The following PLPPR1 variants were observed in gnomAD, a reference collection of about 807,000 sequenced individuals.
The protein encoded by PLPPR1 is phospholipid phosphatase related 1.
PLPPR1 carries 10 observed loss-of-function variants against 33.1 expected under a neutral mutation model. The ratio of observed to expected loss-of-function variants is 0.30; its 90% CI spans 0.19 to 0.51. PLPPR1 has a LOEUF of 0.51. Ranked by LOEUF, PLPPR1 falls within the 20% of genes least tolerant of loss-of-function variation. The pLI, the probability that PLPPR1 is intolerant of heterozygous loss-of-function variation, is 0.97. For missense variants in PLPPR1, 304 were observed against 408.1 expected, an observed-to-expected ratio of 0.74 and a Z score of 2.20; for synonymous variants, 151 against 151.0, an observed-to-expected ratio of 1.00 and a Z score of 0.00.
chr9:101,085,629 T>G (rs1830666107), intron 1 of PLPPR1, among the ~76,000 whole-genome samples: 1 of 152,192 alleles, frequency 6.6e-6, no homozygotes, highest in Non-Finnish European at 1.5e-5. Context: ...CAATTCTTAT[T>G]TGGAAGTGAA....
At chr9:101,092,244 G>A (rs1000261126) in intron 1 of PLPPR1, among the ~76,000 whole-genome samples, 1 of 152,038 alleles carries the variant, frequency 6.6e-6, no homozygotes, top group African/African-American at 2.4e-5. Flanking sequence ...GCTGATCCCC[G>A]TCCTCCAAAT....
At chr9:101,180,131 TATATATATATATACACACACAC>T (rs1826080260) in intron 1 of PLPPR1, among the ~76,000 whole-genome samples, 1 of 37,918 alleles carries the variant, frequency 2.6e-5, no homozygotes, top group South Asian at 5.4e-4. Flanking sequence ...TATATATATA[TATATATATATATACACACACAC>T]ACACACACAT....
intron 1 of PLPPR1, among the ~76,000 whole-genome samples, chr9:101,072,862 T>C (rs1016221586): frequency 1.3e-5 from 2 of 152,170 alleles, no homozygotes; most frequent in Non-Finnish European, 2.9e-5. Context: ...CTTGCATCCA[T>C]ATGAAAGCTT....
At chr9:101,047,300 C>T (rs1185758087) in intron 1 of PLPPR1, among the ~76,000 whole-genome samples, 2 of 152,176 alleles carry the variant, frequency 1.3e-5, no homozygotes. Context: ...CAGTTGGGAA[C>T]TCTCAAGTTT....
intron 1 of PLPPR1, among the ~76,000 whole-genome samples, chr9:101,055,153 G>A: frequency 6.6e-6 from 1 of 152,144 alleles, no homozygotes; most frequent in East Asian, 1.9e-4. Flanking sequence ...ATAAAATTAA[G>A]TTCTATTTTC....
intron 2 of PLPPR1, among the ~76,000 whole-genome samples, chr9:101,231,309 G>T (rs371155087): frequency 1.0e-4 from 15 of 149,890 alleles, no homozygotes; most frequent in African/African-American, 3.2e-4. Flanking sequence ...TTGTAAGAGA[G>T]CAGTGGGAAC....
intron 4 of PLPPR1, among the ~76,000 whole-genome samples, chr9:101,296,536 C>T (rs1182787036): frequency 6.6e-6 from 1 of 152,094 alleles, no homozygotes; most frequent in Admixed American, 6.5e-5. Flanking sequence ...ATAGCAAAGA[C>T]TTGGAACCAA....
At chr9:101,162,284 G>A (rs1355825543) in intron 1 of PLPPR1, among the ~76,000 whole-genome samples, 2 of 152,066 alleles carry the variant, frequency 1.3e-5, no homozygotes, top group Admixed American at 6.6e-5. Flanking sequence ...AGAGTGCTTT[G>A]TCCCCACCCC....
chr9:101,257,759 A>G (rs1827828276), intron 2 of PLPPR1, among the ~76,000 whole-genome samples: 1 of 152,150 alleles, frequency 6.6e-6, no homozygotes, highest in Non-Finnish European at 1.5e-5. Flanking sequence ...AAAACCCCAT[A>G]CAACTTAATC....
intron 4 of PLPPR1, among the ~76,000 whole-genome samples, chr9:101,306,840 C>A (rs2118950712): frequency 6.6e-6 from 1 of 152,330 alleles, no homozygotes; most frequent in South Asian, 2.1e-4. Context: ...GGTGTTTCAT[C>A]TGACTCTAAG....
intron 2 of PLPPR1, among the ~76,000 whole-genome samples, chr9:101,197,266 G>T (rs1826414475): frequency 6.6e-6 from 1 of 152,196 alleles, no homozygotes; most frequent in Non-Finnish European, 1.5e-5. Context: ...CTCACAGGAA[G>T]TATGCTAATA....
chr9:101,199,458 C>A (rs542623992), intron 2 of PLPPR1, among the ~76,000 whole-genome samples: 1 of 152,258 alleles, frequency 6.6e-6, no homozygotes, highest in East Asian at 1.9e-4. Context: ...CCTATTTTCC[C>A]CATAAATTTA....
intron 1 of PLPPR1, among the ~76,000 whole-genome samples, chr9:101,172,505 T>C (rs777884879): frequency 1.3e-5 from 2 of 152,158 alleles, no homozygotes; most frequent in African/African-American, 4.8e-5. Flanking sequence ...TCTACCTTGG[T>C]TGGTGGGAAG....
At chr9:101,069,735 T>TA (rs1325107370) in intron 1 of PLPPR1, among the ~76,000 whole-genome samples, 4 of 152,146 alleles carry the variant, frequency 2.6e-5, no homozygotes, top group Admixed American at 6.5e-5. Flanking sequence ...TGGCAACACT[T>TA]ACGTCCCTAA....
intron 1 of PLPPR1, among the ~76,000 whole-genome samples, chr9:101,126,515 A>C (rs1248722080): frequency 6.6e-6 from 1 of 152,182 alleles, no homozygotes; most frequent in African/African-American, 2.4e-5. Flanking sequence ...AAGGGCACTG[A>C]CTGTGCCAGA....
intron 1 of PLPPR1, among the ~76,000 whole-genome samples, chr9:101,112,118 C>A (rs1327539263): frequency 1.3e-5 from 2 of 152,142 alleles, no homozygotes; most frequent in South Asian, 2.1e-4. Flanking sequence ...TGCAGTTTTA[C>A]AATGTTATTT....
chr9:101,034,986 A>G (rs922562345), intron 1 of PLPPR1, among the ~76,000 whole-genome samples: 1 of 152,110 alleles, frequency 6.6e-6, no homozygotes, highest in African/African-American at 2.4e-5. Context: ...CTAGTTGCCC[A>G]CTTCTCACAC....
At chr9:101,109,211 C>T (rs1401430130) in intron 1 of PLPPR1, among the ~76,000 whole-genome samples, 11 of 148,212 alleles carry the variant, frequency 7.4e-5, no homozygotes, top group African/African-American at 1.8e-4. Flanking sequence ...CCTGACGTCA[C>T]GATCCGCCGG....
intron 4 of PLPPR1, among the ~76,000 whole-genome samples, chr9:101,303,021 C>CT: frequency 6.6e-6 from 1 of 152,198 alleles, no homozygotes; most frequent in East Asian, 1.9e-4. Context: ...GAGTCTCGCT[C>CT]TGTTGCCCAG....
Sources: gnomAD v4.1 joint callset for allele counts (sites outside exome capture counted in the v4.1 genomes callset) on GRCh38, gnomAD v4.1.1 for gene constraint, MANE v1.5 for transcripts, NCBI Gene and HGNC (gene_info 2026-07-23, HGNC 2026-07-21) for gene names.